VWC2: variants seen among roughly 807,000 people sequenced by gnomAD.
VWC2 encodes brorin.
In VWC2, 14 loss-of-function variants were observed where a neutral mutation model predicts 29.8. The observed-to-expected ratio is 0.47, with a 90% confidence interval of 0.31 to 0.74. The LOEUF (loss-of-function observed/expected upper bound fraction) is 0.74. Among genes scored for constraint, VWC2 ranks in the 30% least tolerant of loss-of-function variants. VWC2 has a pLI of 0.05. For synonymous variants in VWC2, 213 were observed against 199.0 expected (o/e 1.07, Z -0.59); for missense variants, 457 against 459.8 (o/e 0.99, Z 0.05).
chr7:49,815,321 T>C (rs1202334338), intron 3 of VWC2, among the ~76,000 whole-genome samples: 2 of 152,174 alleles, frequency 1.3e-5, no homozygotes, highest in African/African-American at 2.4e-5. Context: ...TCACAATGTA[T>C]ATGGCCTTTT....
intron 3 of VWC2, among the ~76,000 whole-genome samples, chr7:49,857,901 G>T (rs921292852): frequency 1.3e-5 from 2 of 152,166 alleles, no homozygotes; most frequent in East Asian, 3.8e-4. Flanking sequence ...TCTGAGCTAA[G>T]TTTGGTGTTT....
At chr7:49,803,550 C>T (rs1379835721) in intron 3 of VWC2, among the ~76,000 whole-genome samples, 6 of 152,216 alleles carry the variant, frequency 3.9e-5, no homozygotes, top group African/African-American at 1.4e-4. Flanking sequence ...GGGACACAGC[C>T]GGAGTCTACA....
In VWC2 at chr7:49,802,808, A is replaced by T; in HGVS notation, c.794A>T (p.Glu265Val). 1 of 1,614,188 alleles carries T rather than the reference A, an allele frequency of 6.2e-7. No homozygotes were observed. The highest frequency in any genetic ancestry group is 8.5e-7 in the Non-Finnish European group (1 of 1,180,038). Residue 265 changes from glutamate (E) to valine (V), a missense_variant, in exon 3 of 4, where the codon GAG (glutamate) becomes GTG (valine). Transcript: ENST00000340652. The stretch of plus-strand genomic sequence containing the variant: ...ACGGAGTGTGTGGACCCTGTGTACG[A>T]GCCTGATCAGTGCTGTCCCATCTGC... Reference protein sequence around the residue: ...PQTECVDPVYEPDQCCPICKN... With the variant: ...PQTECVDPVYVPDQCCPICKN...
chr7:49,777,417 G>C (rs1788076159), intron 2 of VWC2, among the ~76,000 whole-genome samples: 1 of 152,186 alleles, frequency 6.6e-6, no homozygotes, highest in South Asian at 2.1e-4. Flanking sequence ...AGTATGGAAA[G>C]AGTGCTGGAA....
intron 3 of VWC2, among the ~76,000 whole-genome samples, chr7:49,864,273 G>A (rs1007348345): frequency 7.0e-6 from 1 of 143,030 alleles, no homozygotes; most frequent in Non-Finnish European, 1.5e-5. Context: ...AAGAAGGAGG[G>A]AGGAGAAGAT....
Position 49,915,104 on chromosome 7 carries a change from C to A in VWC2, c.*2919C>A, listed in dbSNP as rs1793645132. ...GTCTTAGAGGTTTTCAAGTTAAATT[C>A]ATTCTTTCAGTGATAGGATATTTAC... On this transcript the variant is annotated 3_prime_UTR_variant, in exon 4 of 4. Transcript: ENST00000340652. 1 of 152,154 alleles carries A rather than the reference C, an allele frequency of 6.6e-6. No individual in the cohort carries two copies. Among genetic ancestry groups the A allele is most frequent in the Non-Finnish European group, 1.5e-5 (1 of 68,024 alleles). The allele number at this position is 152,154 out of a possible 1,614,324, so 9.4% of individuals were successfully genotyped here.
intron 3 of VWC2, among the ~76,000 whole-genome samples, chr7:49,893,446 T>C (rs1562757103): frequency 6.6e-6 from 1 of 152,232 alleles, no homozygotes; most frequent in Admixed American, 6.5e-5. Context: ...CAAAATTTGA[T>C]TTTTTTCGTG....
intron 3 of VWC2, among the ~76,000 whole-genome samples, chr7:49,897,594 C>T (rs550316179): frequency 1.3e-5 from 2 of 152,338 alleles, no homozygotes; most frequent in Admixed American, 1.3e-4. Context: ...AAATCAACAA[C>T]TCTTCTTGGA....
chr7:49,792,209 G>A (rs1235680430), intron 2 of VWC2, among the ~76,000 whole-genome samples: 2 of 152,102 alleles, frequency 1.3e-5, no homozygotes, highest in South Asian at 2.1e-4. Flanking sequence ...GGATACCAGC[G>A]GACGACTGTA....
chr7:49,790,102 A>G (rs1788432195), intron 2 of VWC2, among the ~76,000 whole-genome samples: 1 of 152,242 alleles, frequency 6.6e-6, no homozygotes, highest in Non-Finnish European at 1.5e-5. Flanking sequence ...GTTTGCAACC[A>G]AGTAAATATG....
intron 3 of VWC2, among the ~76,000 whole-genome samples, chr7:49,862,417 A>G (rs956371780): frequency 1.3e-5 from 2 of 152,150 alleles, no homozygotes; most frequent in African/African-American, 4.8e-5. Context: ...AACCGTGAAT[A>G]GAGATAGTTT....
At chr7:49,868,059 C>A (rs1444114212) in intron 3 of VWC2, among the ~76,000 whole-genome samples, 1 of 152,074 alleles carries the variant, frequency 6.6e-6, no homozygotes, top group Non-Finnish European at 1.5e-5. Context: ...GTCTCAAACT[C>A]CCGACCTCAA....
chr7:49,851,532 A>G (rs1056940693), intron 3 of VWC2, among the ~76,000 whole-genome samples: 1 of 152,228 alleles, frequency 6.6e-6, no homozygotes, highest in Non-Finnish European at 1.5e-5. Flanking sequence ...GTGAGTGAAC[A>G]GAGTCCAGGC....
rs1359112516 is a variant in VWC2 at position 49,918,883 on chromosome 7, A to T, written c.*6698A>T. On this transcript the variant is annotated 3_prime_UTR_variant, in exon 4 of 4. Transcript: ENST00000340652. ...GAGGCCAACCTGACCAACATGTGAA[A>T]CCCCATCTCTACTAAAAATACAAAA... 1 of 152,110 alleles carries T rather than the reference A, an allele frequency of 6.6e-6. No individual in the cohort carries two copies. Among genetic ancestry groups the T allele is most frequent in the Non-Finnish European group, 1.5e-5 (1 of 68,028 alleles). The allele number at this position is 152,110 out of a possible 1,614,324, so 9.4% of individuals were successfully genotyped here. A position where few individuals can be genotyped will look rare whatever the true frequency, so the allele number is the denominator to read the frequency against.
intron 3 of VWC2, among the ~76,000 whole-genome samples, chr7:49,813,227 T>G (rs1407754622): frequency 1.3e-5 from 2 of 152,246 alleles, no homozygotes. Context: ...GCCTGCCTCC[T>G]GCTCTCCTGC....
intron 1 of VWC2, 71 bp from the exon 2 acceptor site, chr7:49,775,262 G>T: frequency 3.2e-6 from 1 of 315,300 alleles, no homozygotes; most frequent in South Asian, 1.5e-4. Flanking sequence ...GCCGGAGCCC[G>T]GGTGGGGGCC....
intron 2 of VWC2, among the ~76,000 whole-genome samples, chr7:49,782,355 G>T (rs537361969): frequency 1.3e-5 from 2 of 152,136 alleles, no homozygotes; most frequent in Non-Finnish European, 2.9e-5. Flanking sequence ...ACAGGCAGTT[G>T]ATATCATGAG....
intron 3 of VWC2, among the ~76,000 whole-genome samples, chr7:49,804,331 G>T (rs577695254): frequency 6.6e-6 from 1 of 152,044 alleles, no homozygotes; most frequent in African/African-American, 2.4e-5. Flanking sequence ...GCAGAGTCTC[G>T]GTGTGGCTTT....
At chr7:49,831,228 T>C (rs2128711423) in intron 3 of VWC2, among the ~76,000 whole-genome samples, 1 of 152,322 alleles carries the variant, frequency 6.6e-6, no homozygotes, top group African/African-American at 2.4e-5. Context: ...GCTATCTTCT[T>C]TTGTAAATTT....
Sources: allele counts gnomAD v4.1 joint callset (sites outside exome capture counted in the v4.1 genomes callset), GRCh38; gene constraint gnomAD v4.1.1; transcripts MANE v1.5; gene names NCBI Gene and HGNC (gene_info 2026-07-23, HGNC 2026-07-21).